TIAM2: variants seen among roughly 807,000 people sequenced by gnomAD.
TIAM2 encodes the protein TIAM Rac1 associated GEF 2.
TIAM2 carries 80 observed loss-of-function variants against 152.9 expected under a neutral mutation model. The observed-to-expected ratio is 0.52, with a 90% CI of 0.44 to 0.63. The LOEUF (loss-of-function observed/expected upper bound fraction) is 0.63. TIAM2 is among the 30% of genes least tolerant of loss of function. TIAM2 has a pLI of 0.00. For synonymous variants in TIAM2, 804 were observed against 838.0 expected (o/e 0.96, Z 0.70); for missense variants, 1,965 against 2,120.1 (o/e 0.93, Z 1.44).
intron 14 of TIAM2, among the ~76,000 whole-genome samples, chr6:155,198,853 T>G (rs953559588): frequency 8.6e-5 from 13 of 152,020 alleles, no homozygotes; most frequent in African/African-American, 2.7e-4. Context: ...CAGTGGCACA[T>G]GTGTGGAGGG....
chr6:155,241,889 CT>C (rs1783051457), intron 16 of TIAM2, among the ~76,000 whole-genome samples: 1 of 152,214 alleles, frequency 6.6e-6, no homozygotes, highest in African/African-American at 2.4e-5. Flanking sequence ...CTTCAGAGCC[CT>C]TCTGACATCT....
chr6:155,257,669 TTGA>T lies in TIAM2; in HGVS notation c.*553_*555del, dbSNP rs570813978. The T allele has an allele frequency of 2.1e-4, 147 of 715,194 alleles. 1 individual carries two copies. The East Asian group carries it at 3.8e-3, about 18-fold the overall frequency. The allele number at this position is 715,194 out of a possible 1,614,324, so 44.3% of individuals were successfully genotyped here. A position where few individuals can be genotyped will look rare whatever the true frequency, so the allele number is the denominator to read the frequency against. ...AAAGAAAGCTTGTACTGTATCTTAT[TTGA>T]TGATATTTATTTTCTCTGCCAAGCT... On this transcript the variant is annotated 3_prime_UTR_variant, in exon 27 of 27. Transcript: ENST00000682666.
At chr6:154,997,607 T>A (rs1778239132) in intron 1 of TIAM2, among the ~76,000 whole-genome samples, 1 of 149,182 alleles carries the variant, frequency 6.7e-6, no homozygotes, top group South Asian at 2.1e-4. Context: ...CTAGGTTCCG[T>A]GAACGAGTGA....
intron 6 of TIAM2, among the ~76,000 whole-genome samples, chr6:155,145,565 AGAGT>A (rs1305155947): frequency 2.0e-5 from 3 of 152,208 alleles, no homozygotes; most frequent in Non-Finnish European, 2.9e-5. Flanking sequence ...AGAACAGGTG[AGAGT>A]GAGAGCTGGG....
At chr6:155,097,601 A>T (rs1209791724) in intron 2 of TIAM2, among the ~76,000 whole-genome samples, 1 of 152,146 alleles carries the variant, frequency 6.6e-6, no homozygotes, top group Non-Finnish European at 1.5e-5. Context: ...TTGGCCCCCC[A>T]AAGTGCTGGG....
intron 1 of TIAM2, among the ~76,000 whole-genome samples, chr6:155,087,768 ATAAAAT>A (rs1778204863): frequency 6.6e-6 from 1 of 152,172 alleles, no homozygotes; most frequent in African/African-American, 2.4e-5. Context: ...AATAAATAAA[ATAAAAT>A]AAATAAAAAA....
At chr6:155,034,414 C>T (rs1776884743) in intron 1 of TIAM2, among the ~76,000 whole-genome samples, 1 of 152,022 alleles carries the variant, frequency 6.6e-6, no homozygotes, top group Non-Finnish European at 1.5e-5. Context: ...ACCACCATGC[C>T]CGGCTAATTT....
chr6:155,198,779 TTTC>T (rs888680237), intron 14 of TIAM2, among the ~76,000 whole-genome samples: 1 of 152,000 alleles, frequency 6.6e-6, no homozygotes, highest in African/African-American at 2.4e-5. Flanking sequence ...GCTTCCATGA[TTTC>T]TTCTTTATAA....
In TIAM2 at chr6:154,995,558, T is replaced by C. The variant is rs1043842745; in HGVS notation, c.-209+66T>C. 1.4e-5 allele frequency: 2 copies of C among 146,772 alleles called. No individual in the cohort carries two copies. Among genetic ancestry groups the C allele is most frequent in the African/African-American group, 5.0e-5 (2 of 39,656 alleles). The allele number at this position is 146,772 out of a possible 1,614,324, so 9.1% of individuals were successfully genotyped here. On this transcript the variant is annotated intron_variant, in intron 1 of 26. Transcript: ENST00000682666. This position sits in a 1 kb window ranked among gnomAD's most constrained non-coding sequence, Gnocchi z 5.2. ...CGCGCTGGTTGGCGGCGGCTCCAGGTCCCCTGCGGGCGGGGCGGCGCGCGG... is the reference window on the plus strand; with the variant it reads ...CGCGCTGGTTGGCGGCGGCTCCAGGCCCCCTGCGGGCGGGGCGGCGCGCGG...
Position 155,256,880 on chromosome 6 carries a change from G to C in TIAM2, c.4865G>C (p.Gly1622Ala). ...GPESGEGQKGGEQPKLVRGHF... is the reference protein window; with the variant it reads ...GPESGEGQKGAEQPKLVRGHF... ...GAGTCGGGTGAGGGTCAGAAAGGAG[G>C]AGAGCAGCCCAAACTGGTCCGGGGG... The change falls in exon 27 of 27, where the codon GGA becomes GCA. Residue 1622 changes from glycine (G) to alanine (A), a missense_variant. Transcript: ENST00000682666. 6.2e-7 allele frequency: 1 copy of C among 1,614,212 alleles called. No homozygotes were observed. The highest frequency in any genetic ancestry group is 1.1e-5 in the South Asian group (1 of 91,084).
chr6:155,040,077 A>T (rs1405613298), intron 1 of TIAM2, among the ~76,000 whole-genome samples: 1 of 152,192 alleles, frequency 6.6e-6, no homozygotes, highest in Non-Finnish European at 1.5e-5. Flanking sequence ...CTGTTACATT[A>T]TGAAGTTTTA....
intron 5 of TIAM2, among the ~76,000 whole-genome samples, chr6:155,141,157 G>A (rs1779695313): frequency 6.6e-6 from 1 of 152,104 alleles, no homozygotes; most frequent in Non-Finnish European, 1.5e-5. Flanking sequence ...CATGGATAAA[G>A]GGTGCTTTGT....
intron 1 of TIAM2, among the ~76,000 whole-genome samples, chr6:155,049,986 T>C (rs1777282871): frequency 6.6e-6 from 1 of 152,204 alleles, no homozygotes; most frequent in African/African-American, 2.4e-5. Context: ...AGAGTACAAA[T>C]ATTTTTGCTT....
chr6:155,172,665 TATATATATATATATATATATA>T (rs1562341104), intron 9 of TIAM2, among the ~76,000 whole-genome samples: 32 of 8,040 alleles, frequency 4.0e-3, no homozygotes, highest in African/African-American at 0.014. Flanking sequence ...TATATATATA[TATATATATATATATATATATA>T]TTTTTTTTTT....
Position 155,251,006 on chromosome 6 carries a change from G to A in TIAM2, c.4045G>A (p.Glu1349Lys), listed in dbSNP as rs1783622443. The change falls in exon 22 of 27, where the codon GAG (glutamate) becomes AAG (lysine). Residue 1349 changes from glutamate to lysine, a missense_variant. Coordinates refer to ENST00000682666, the MANE Select transcript of TIAM2 (RefSeq NM_012454.4). ...LSLGKARKDL[E>K]LTVFVFKRAV... is the part of the protein sequence containing the mutation. ...TCTAGGAAAAGCTAGAAAGGACCTT[G>A]AGCTCACAGTATTTGGTTAGTATTC... 1 of 1,613,988 alleles carries A rather than the reference G, an allele frequency of 6.2e-7. No individual in the cohort carries two copies. The highest frequency in any genetic ancestry group is 8.5e-7 in the Non-Finnish European group (1 of 1,179,982).
chr6:155,167,270 G>A (rs1461167737), intron 9 of TIAM2, among the ~76,000 whole-genome samples: 1 of 151,746 alleles, frequency 6.6e-6, no homozygotes, highest in Non-Finnish European at 1.5e-5. Context: ...CACTCAGGCT[G>A]GAGTGCAGTG....
At chr6:155,048,755 G>A (rs1777258696) in intron 1 of TIAM2, among the ~76,000 whole-genome samples, 1 of 151,898 alleles carries the variant, frequency 6.6e-6, no homozygotes, top group Non-Finnish European at 1.5e-5. Context: ...CAAACTCAGT[G>A]CATGTTTGAA....
At chr6:155,194,171 CAGGCGCAGAG>C (rs1781279674) in intron 14 of TIAM2, among the ~76,000 whole-genome samples, 1 of 152,218 alleles carries the variant, frequency 6.6e-6, no homozygotes, top group South Asian at 2.1e-4. Context: ...TAGAGCGTTC[CAGGCGCAGAG>C]AAGCCGGGAG....
chr6:155,249,505 T>C (rs1433405216), intron 20 of TIAM2, among the ~76,000 whole-genome samples: 1 of 152,178 alleles, frequency 6.6e-6, no homozygotes, highest in African/African-American at 2.4e-5. Flanking sequence ...GGTTTAGTCT[T>C]TGAGTTATTG....
Sources: allele counts gnomAD v4.1 joint callset (sites outside exome capture counted in the v4.1 genomes callset), GRCh38; gene constraint gnomAD v4.1.1; non-coding constraint Gnocchi (gnomAD v3.1); transcripts MANE v1.5; gene names NCBI Gene and HGNC (gene_info 2026-07-23, HGNC 2026-07-21).